RMDN3: variants seen among roughly 807,000 people sequenced by gnomAD.
RMDN3 encodes regulator of microtubule dynamics 3.
RMDN3 carries 41 observed loss-of-function variants against 61.8 expected under a neutral mutation model. The ratio of observed to expected loss-of-function variants is 0.66; its 90% CI spans 0.52 to 0.86. The LOEUF (loss-of-function observed/expected upper bound fraction) is 0.86. RMDN3 is among the 40% of genes least tolerant of loss of function. The pLI, the probability that RMDN3 is intolerant of heterozygous loss-of-function variation, is 0.00. For missense variants in RMDN3, 557 were observed against 585.3 expected (o/e 0.95, Z 0.50); for synonymous variants, 247 against 232.0 (o/e 1.06, Z -0.59).
At chr15:40,745,389 C>A in intron 4 of RMDN3, 130 bp from the exon 5 acceptor site, 1 of 853,682 alleles carries the variant, frequency 1.2e-6, no homozygotes, top group Non-Finnish European at 1.8e-6. Context: ...ATCATTCATA[C>A]CTCTTAAGGG....
At chr15:40,737,236 G>A (rs755804618) in intron 11 of RMDN3, 32 bp from the exon 12 acceptor site, 3 of 1,609,960 alleles carry the variant, frequency 1.9e-6, no homozygotes, top group South Asian at 1.1e-5. Flanking sequence ...ACCTGATACT[G>A]TGTACTTTCA....
chr15:40,754,806 G>A lies in RMDN3; in HGVS notation c.-7-16C>T, dbSNP rs775936048. The A allele has an allele frequency of 1.1e-5, 14 of 1,313,196 alleles. No individual in the cohort carries two copies. The highest frequency in any genetic ancestry group is 5.0e-5 in the East Asian group (2 of 40,274). 81.3% of individuals were successfully genotyped at this position (1,313,196 alleles called of 1,614,324 possible). Reference sequence around the variant, plus strand: ...CATGCTGCACCTGCGGCCAGCAGAAGTCACCGGGAGCAGGCAGGCGGGCGG... The same window carrying A: ...CATGCTGCACCTGCGGCCAGCAGAAATCACCGGGAGCAGGCAGGCGGGCGG... On this transcript the variant is annotated splice_polypyrimidine_tract_variant and intron_variant, in intron 1 of 12. Coordinates refer to ENST00000338376, the MANE Select transcript of RMDN3 (RefSeq NM_018145.3).
intron 2 of RMDN3, among the ~76,000 whole-genome samples, chr15:40,753,323 C>T (rs1378832328): frequency 6.6e-6 from 1 of 152,044 alleles, no homozygotes; most frequent in Non-Finnish European, 1.5e-5. Context: ...ACCAGCCTGG[C>T]CAACATGGGG....
Position 40,736,171 on chromosome 15 carries a change from G to T in RMDN3, c.*370C>A. The T allele has an allele frequency of 4.5e-6, 1 of 224,692 alleles. No homozygotes were observed. Among genetic ancestry groups the T allele is most frequent in the Non-Finnish European group, 8.6e-6 (1 of 115,728 alleles). The allele number at this position is 224,692 out of a possible 1,614,324, so 13.9% of individuals were successfully genotyped here. On this transcript the variant is annotated 3_prime_UTR_variant, in exon 13 of 13. Transcript: ENST00000338376. ...CTGAGTCCTATTAGTCAGTGAAAAAGATTAAAGTGACAAGTTATGTGCTTT... is the reference window on the plus strand; with the variant it reads ...CTGAGTCCTATTAGTCAGTGAAAAATATTAAAGTGACAAGTTATGTGCTTT...
chr15:40,752,992 G>C (rs910180000), intron 2 of RMDN3, among the ~76,000 whole-genome samples: 3 of 152,108 alleles, frequency 2.0e-5, no homozygotes, highest in Non-Finnish European at 4.4e-5. Context: ...AAAGATCCCT[G>C]GCAATGTGGC....
chr15:40,737,355 C>G lies in RMDN3; in HGVS notation c.1225-14G>C. ...TAGTTCTTCAGCCTGGGAAAAGGGACAAAGATATTTCAGTAAGAGGTTCCT... is the reference window on the plus strand; with the variant it reads ...TAGTTCTTCAGCCTGGGAAAAGGGAGAAAGATATTTCAGTAAGAGGTTCCT... On this transcript the variant is annotated splice_polypyrimidine_tract_variant and intron_variant, in intron 10 of 12. Coordinates refer to ENST00000338376, the MANE Select transcript of RMDN3 (RefSeq NM_018145.3). 6.2e-7 allele frequency: 1 copy of G among 1,611,888 alleles called. No individual in the cohort carries two copies. Among genetic ancestry groups the G allele is most frequent in the Non-Finnish European group, 8.5e-7 (1 of 1,177,986 alleles).
At chr15:40,742,475 C>A (rs1897321537) in intron 6 of RMDN3, among the ~76,000 whole-genome samples, 1 of 152,162 alleles carries the variant, frequency 6.6e-6, no homozygotes, top group African/African-American at 2.4e-5. Flanking sequence ...AATGAGACAA[C>A]TAGTTCCTGC....
intron 4 of RMDN3, among the ~76,000 whole-genome samples, chr15:40,747,166 C>T (rs1362374907): frequency 6.6e-6 from 1 of 152,198 alleles, no homozygotes; most frequent in Non-Finnish European, 1.5e-5. Context: ...TGAGGGCTGC[C>T]TCAGCCAATC....
chr15:40,749,058 C>T (rs1184414056), intron 4 of RMDN3, among the ~76,000 whole-genome samples: 1 of 152,198 alleles, frequency 6.6e-6, no homozygotes, highest in Non-Finnish European at 1.5e-5. Context: ...TGCCTGCCAA[C>T]ATGCCTGGCT....
rs912280200 is a variant in RMDN3 at position 40,737,388 on chromosome 15, A to C, written c.1225-47T>G. On this transcript the variant is annotated intron_variant, in intron 10 of 12. Coordinates refer to ENST00000338376, the MANE Select transcript of RMDN3 (RefSeq NM_018145.3). ...TTTCAGTAAGAGGTTCCTATATTCT[A>C]ATCAGGCTGAAGTTTATTAAACTAG... 3.2e-6 allele frequency: 5 copies of C among 1,552,334 alleles called. No individual in the cohort carries two copies. The Admixed American group carries it at 8.3e-5, about 26-fold the overall frequency.
intron 2 of RMDN3, among the ~76,000 whole-genome samples, chr15:40,753,347 A>C (rs2141928310): frequency 6.6e-6 from 1 of 152,164 alleles, no homozygotes; most frequent in African/African-American, 2.4e-5. Flanking sequence ...CCCCATCTTT[A>C]CTAAAAATAC....
intron 2 of RMDN3, among the ~76,000 whole-genome samples, chr15:40,752,759 T>G (rs1312308968): frequency 6.6e-6 from 1 of 152,188 alleles, no homozygotes; most frequent in Non-Finnish European, 1.5e-5. Context: ...CACTAAGCCC[T>G]GCTGACCCAA....
In RMDN3 at chr15:40,737,781, T is replaced by TAAATCTTTGGGG. The variant is rs1897120164; in HGVS notation, c.1126-67_1126-56dup. ...GAGGTTTTAAAAGGTTTTTTTTCTT[T>TAAATCTTTGGGG]AAATCTTTGGGGATATATTGAAAAT... On this transcript the variant is annotated intron_variant, in intron 9 of 12. Coordinates refer to ENST00000338376, the MANE Select transcript of RMDN3 (RefSeq NM_018145.3). 8 of 1,568,000 alleles carry TAAATCTTTGGGG rather than the reference T, an allele frequency of 5.1e-6. No homozygotes were observed. In the Admixed American group the frequency reaches 1.0e-4, roughly 20 times the overall value.
In RMDN3 at chr15:40,737,695, G is replaced by GTT; in HGVS notation, c.1155_1156dup (p.Thr386LysfsTer23). The GTT allele has an allele frequency of 6.3e-7, 1 of 1,596,418 alleles. No individual in the cohort carries two copies. Among genetic ancestry groups the GTT allele is most frequent in the African/African-American group, 1.3e-5 (1 of 74,366 alleles). On this transcript the variant is annotated frameshift_variant, in exon 10 of 13. Coordinates refer to ENST00000338376, the MANE Select transcript of RMDN3 (RefSeq NM_018145.3). LOFTEE classifies it high-confidence loss of function. Reference sequence around the variant, plus strand: ...AGGGCTTTCAAGCAAGGCTGTAGCAGTTTTTTTTTCTAGCCAGCTCAGGTG... The same window carrying GTT: ...AGGGCTTTCAAGCAAGGCTGTAGCAGTTTTTTTTTTTCTAGCCAGCTCAGGTG...
intron 7 of RMDN3, chr15:40,738,894 A>G: frequency 3.2e-6 from 1 of 310,990 alleles, no homozygotes; most frequent in Non-Finnish European, 6.0e-6. Context: ...ACAGGCATTA[A>G]TAAAAACTTG....
chr15:40,745,317 C>A, intron 4 of RMDN3, 58 bp from the exon 5 acceptor site: 1 of 1,542,804 alleles, frequency 6.5e-7, no homozygotes, highest in East Asian at 2.3e-5. Flanking sequence ...CCCCTAGGGT[C>A]TGTCTATCCC....
intron 5 of RMDN3, 39 bp from the exon 6 acceptor site, chr15:40,744,188 T>C: frequency 6.3e-7 from 1 of 1,589,774 alleles, no homozygotes; most frequent in Non-Finnish European, 8.6e-7. Flanking sequence ...CCCTTTTTCC[T>C]CAACTGTGGA....
rs138926563 is a variant in RMDN3 at position 40,745,034 on chromosome 15, C to G, written c.750G>C (p.Arg250Ser). ...PLLQQADELH[R>S]GDEQGKREGF... Reference sequence around the variant, plus strand: ...CCTCCCGCTTGCCTTGCTCATCACCCCTGTGCAGCTCGTCGGCCTGCTGCA... The same window carrying G: ...CCTCCCGCTTGCCTTGCTCATCACCGCTGTGCAGCTCGTCGGCCTGCTGCA... Residue 250 changes from arginine (R) to serine (S), a missense_variant, in exon 5 of 13, where the codon AGG (arginine) becomes AGC (serine). Transcript: ENST00000338376. 1.2e-3 allele frequency: 1,979 copies of G among 1,614,082 alleles called. 2 individuals carry two copies. The highest frequency in any genetic ancestry group is 1.4e-3 in the Non-Finnish European group (1,690 of 1,180,002).
chr15:40,743,223 C>T (rs1897351087), intron 6 of RMDN3, among the ~76,000 whole-genome samples: 2 of 152,078 alleles, frequency 1.3e-5, no homozygotes, highest in East Asian at 3.9e-4. Context: ...GAGTTCAAGA[C>T]CAGCCTAGCC....
Sources: gnomAD v4.1 joint callset for allele counts (sites outside exome capture counted in the v4.1 genomes callset) on GRCh38, gnomAD v4.1.1 for gene constraint, MANE v1.5 for transcripts, NCBI Gene and HGNC (gene_info 2026-07-23, HGNC 2026-07-21) for gene names.